Variants in DISP2 observed in about 807,000 individuals in gnomAD.
DISP2 encodes protein dispatched homolog 2.
Under a neutral mutation model 95.5 loss-of-function variants are expected in DISP2, and 59 were observed. The ratio of observed to expected loss-of-function variants is 0.62; its 90% CI spans 0.50 to 0.77. DISP2 has a LOEUF of 0.77. Ranked by LOEUF, DISP2 falls within the 30% of genes least tolerant of loss-of-function variation. The probability of loss-of-function intolerance (pLI) is 0.00; values close to 1 mark genes in which losing one functional copy is unlikely to be tolerated. For synonymous variants in DISP2, 827 were observed against 815.0 expected, an observed-to-expected ratio of 1.01 and a Z score of -0.25; for missense variants, 1,752 against 1,854.6, an observed-to-expected ratio of 0.94 and a Z score of 1.02.
At chr15:40,365,862 C>T in intron 7 of DISP2, 137 bp downstream of exon 7, 1 of 864,968 alleles carries the variant, frequency 1.2e-6, no homozygotes, top group Non-Finnish European at 1.8e-6. Context: ...AAAATTATTC[C>T]AACCCTGCTG....
rs202145751 is a variant in DISP2, at chr15:40,370,347, C to T, written c.*29C>T. 24 of 1,513,018 alleles carry T rather than the reference C, an allele frequency of 1.6e-5. No homozygotes were observed. The East Asian group carries it at 2.3e-4, about 14-fold the overall frequency. The allele number at this position is 1,513,018 out of a possible 1,614,324, so 93.7% of individuals were successfully genotyped here. ...GGACCCGGGGAGGCTGGACAGGGCG[C>T]GGAACCCTGTCATGGATGACAAGGC... On this transcript the variant is annotated 3_prime_UTR_variant, in exon 8 of 8. Coordinates refer to ENST00000267889, the MANE Select transcript of DISP2 (RefSeq NM_033510.3).
intron 1 of DISP2, among the ~76,000 whole-genome samples, chr15:40,359,988 A>G (rs1435970527): frequency 6.6e-6 from 1 of 152,178 alleles, no homozygotes; most frequent in Non-Finnish European, 1.5e-5. Flanking sequence ...GATCACACTG[A>G]TGTTCACCTG....
intron 7 of DISP2, among the ~76,000 whole-genome samples, chr15:40,366,641 G>A (rs183288012): frequency 5.7e-4 from 87 of 152,370 alleles, no homozygotes; most frequent in Admixed American, 4.6e-3. Context: ...GCAGTGGACA[G>A]AGGGGAGCTG....
Position 40,370,401 on chromosome 15 carries a change from G to C in DISP2, c.*83G>C. ...GGCAGCAATAGGCTGGAGCCCGAAG[G>C]TATTTCTCCAGATCCACAGGGAGAG... On this transcript the variant is annotated 3_prime_UTR_variant, in exon 8 of 8. Transcript: ENST00000267889. The C allele has an allele frequency of 1.3e-6, 2 of 1,497,568 alleles. No individual in the cohort carries two copies. The highest frequency in any genetic ancestry group is 1.8e-6 in the Non-Finnish European group (2 of 1,129,470). 92.8% of individuals were successfully genotyped at this position (1,497,568 alleles called of 1,614,324 possible). A position where few individuals can be genotyped will look rare whatever the true frequency, so the allele number is the denominator to read the frequency against.
chr15:40,361,608 C>T (rs1889407143), intron 1 of DISP2, among the ~76,000 whole-genome samples: 1 of 152,250 alleles, frequency 6.6e-6, no homozygotes, highest in African/African-American at 2.4e-5. Context: ...CCATTTCACC[C>T]TCAGCATGAA....
At chr15:40,362,217 T>C (rs1196813134) in intron 1 of DISP2, among the ~76,000 whole-genome samples, 1 of 152,240 alleles carries the variant, frequency 6.6e-6, no homozygotes, top group Non-Finnish European at 1.5e-5. Context: ...CCGTGCTCCA[T>C]GGCCCATGAC....
intron 2 of DISP2, 95 bp downstream of exon 2, chr15:40,364,049 A>G: frequency 6.8e-7 from 1 of 1,475,522 alleles, no homozygotes; most frequent in Non-Finnish European, 9.1e-7. Flanking sequence ...CTCCTTTCTT[A>G]GGAGGCAACC....
Position 40,375,776 on chromosome 15 carries a change from T to A in DISP2, c.*5458T>A, listed in dbSNP as rs535821753. The A allele has an allele frequency of 6.6e-6, 1 of 152,294 alleles. No individual in the cohort carries two copies. Among genetic ancestry groups the A allele is most frequent in the Non-Finnish European group, 1.5e-5 (1 of 68,028 alleles). The allele number at this position is 152,294 out of a possible 1,614,324, so 9.4% of individuals were successfully genotyped here. On this transcript the variant is annotated 3_prime_UTR_variant, in exon 8 of 8. Coordinates refer to ENST00000267889, the MANE Select transcript of DISP2 (RefSeq NM_033510.3). ...AAGGACATGAAGACTTTCTAGAAGG[T>A]AGGTGGACACAGATAGTTTTAAAGT...
rs774475754 is a variant in DISP2, at chr15:40,368,522, AG to A, written c.2411del (p.Ser804ThrfsTer72). ...GGTGAGGGACCCTGCCTTCTCGGCCAGCGGCCCTGAGGCCCAGCGCTGGCTG... is the reference window on the plus strand; with the variant it reads ...GGTGAGGGACCCTGCCTTCTCGGCCACGGCCCTGAGGCCCAGCGCTGGCTG... The part of the protein sequence containing the change: ...SLVRDPAFSA[S>X]GPEAQRWLLA... On this transcript the variant is annotated frameshift_variant, in exon 8 of 8. Transcript: ENST00000267889. LOFTEE classifies it high-confidence loss of function. 1 of 1,605,840 alleles carries A rather than the reference AG, an allele frequency of 6.2e-7. No individual in the cohort carries two copies. Among genetic ancestry groups the A allele is most frequent in the Non-Finnish European group, 8.5e-7 (1 of 1,179,886 alleles).
At position 40,358,289 on chromosome 15, in the gene DISP2, A is replaced by T. The variant is rs777721433; in HGVS notation, c.-33A>T. ...CCGCCGCCGCCGCCGCGGCTTCAGCACCAGCGCCCGGACAGCGGTGCCGCC... is the reference window on the plus strand; with the variant it reads ...CCGCCGCCGCCGCCGCGGCTTCAGCTCCAGCGCCCGGACAGCGGTGCCGCC... On this transcript the variant is annotated 5_prime_UTR_variant, in exon 1 of 8. Transcript: ENST00000267889. 1 of 1,218,316 alleles carries T rather than the reference A, an allele frequency of 8.2e-7. No homozygotes were observed. The highest frequency in any genetic ancestry group is 3.5e-5 in the South Asian group (1 of 28,854). 75.5% of individuals were successfully genotyped at this position (1,218,316 alleles called of 1,614,324 possible).
At chr15:40,358,729 C>T (rs1383025289) in intron 1 of DISP2, among the ~76,000 whole-genome samples, 4 of 152,194 alleles carry the variant, frequency 2.6e-5, no homozygotes, top group South Asian at 4.1e-4. Context: ...CTCCCTGGCT[C>T]CTCCGGCCCC....
At position 40,367,552 on chromosome 15, in the gene DISP2, G is replaced by T; in HGVS notation, c.1440G>T (p.Leu480=). 6.2e-7 allele frequency: 1 copy of T among 1,613,876 alleles called. No individual in the cohort carries two copies. Among genetic ancestry groups the T allele is most frequent in the Non-Finnish European group, 8.5e-7 (1 of 1,180,012 alleles). ...TGGACCTGGGCCTCAAGCAGGAGCT[G>T]CTGAGGCACTTCCTGGTCCAGGACA... ...TGMDLGLKQE[L]LRHFLVQDTV... is the part of the protein sequence containing the mutation. Residue 480 remains leucine (L), a synonymous_variant, in exon 8 of 8, where the codon CTG becomes CTT. Coordinates refer to ENST00000267889, the MANE Select transcript of DISP2 (RefSeq NM_033510.3).
chr15:40,361,412 G>A (rs1362075498), intron 1 of DISP2, among the ~76,000 whole-genome samples: 1 of 152,228 alleles, frequency 6.6e-6, no homozygotes, highest in Non-Finnish European at 1.5e-5. Context: ...TGTCTTCCAC[G>A]TGACAGACCC....
In DISP2 at chr15:40,358,585, C is replaced by T. The variant is rs868776382; in HGVS notation, c.119+145C>T. 7 of 468,710 alleles carry T rather than the reference C, an allele frequency of 1.5e-5. No homozygotes were observed. The African/African-American group carries it at 1.6e-4, about 11-fold the overall frequency. 29.0% of individuals were successfully genotyped at this position (468,710 alleles called of 1,614,324 possible). On this transcript the variant is annotated intron_variant, in intron 1 of 7. Transcript: ENST00000267889. ...TTCCCGGGGTCGCCAAGCTCCAGGCCCCCCTCGCCACGCCCTCATCCTGCC... is the reference window on the plus strand; with the variant it reads ...TTCCCGGGGTCGCCAAGCTCCAGGCTCCCCTCGCCACGCCCTCATCCTGCC...
chr15:40,364,683 T>G (rs1889468121), intron 4 of DISP2, 139 bp downstream of exon 4: 6 of 1,436,528 alleles, frequency 4.2e-6, no homozygotes, highest in Non-Finnish European at 4.7e-6. Context: ...CAGAGAGAGT[T>G]GGGGAGATGG....
In DISP2 at chr15:40,361,386, G is replaced by A. The variant is rs79873108; in HGVS notation, c.120-2239G>A. Among the ~76,000 whole-genome samples the A allele has an allele frequency of 3.3e-5, 5 of 152,326 alleles. No individual in the cohort carries two copies. In the East Asian group the frequency reaches 9.6e-4, roughly 29 times the overall value. On this transcript the variant is annotated intron_variant, in intron 1 of 7. Transcript: ENST00000267889. ...CCCTGCTGCACTGACCGTGGGAAGG[G>A]GCAGGAAAGCAAACGTGTCTTCCAC...
chr15:40,364,119 A>G (rs1889453578), intron 2 of DISP2, 107 bp from the exon 3 acceptor site: 2 of 1,543,610 alleles, frequency 1.3e-6, no homozygotes, highest in East Asian at 4.5e-5. Context: ...AAGGGTTAAT[A>G]CCATGGGTTA....
Position 40,362,124 on chromosome 15 carries a change from TTTCTGACAAG to T in DISP2, c.120-1497_120-1488del, listed in dbSNP as rs148153109. Among the ~76,000 whole-genome samples the T allele has an allele frequency of 9.0e-3, 1,368 of 152,332 alleles. 14 individuals are homozygous for T. Among genetic ancestry groups the T allele is most frequent in the African/African-American group, 0.032 (1,312 of 41,574 alleles). ...TTGGGAGAAGACTCTTGCTAACTCT[TTTCTGACAAG>T]TTCCTTGGGGTGAGGGGGTGTCCCA... On this transcript the variant is annotated intron_variant, in intron 1 of 7. Transcript: ENST00000267889.
At position 40,370,414 on chromosome 15, in the gene DISP2, T is replaced by C; in HGVS notation, c.*96T>C. The C allele has an allele frequency of 6.7e-7, 1 of 1,487,298 alleles. No individual in the cohort carries two copies. The highest frequency in any genetic ancestry group is 1.4e-5 in the African/African-American group (1 of 71,612). 92.1% of individuals were successfully genotyped at this position (1,487,298 alleles called of 1,614,324 possible). A position where few individuals can be genotyped will look rare whatever the true frequency, so the allele number is the denominator to read the frequency against. On this transcript the variant is annotated 3_prime_UTR_variant, in exon 8 of 8. Transcript: ENST00000267889. ...TGGAGCCCGAAGGTATTTCTCCAGA[T>C]CCACAGGGAGAGGTCTCACCCTCCA...
Sources: gnomAD v4.1 joint callset for allele counts (sites outside exome capture counted in the v4.1 genomes callset) on GRCh38, gnomAD v4.1.1 for gene constraint, MANE v1.5 for transcripts, NCBI Gene and HGNC (gene_info 2026-07-23, HGNC 2026-07-21) for gene names.